NLGN4X: variants seen among roughly 807,000 people sequenced by gnomAD.
The protein encoded by NLGN4X is neuroligin-4, X-linked.
NLGN4X carries 3 observed loss-of-function variants against 40.3 expected under a neutral mutation model. The ratio of observed to expected loss-of-function variants is 0.07; its 90% CI spans 0.03 to 0.19. The LOEUF (loss-of-function observed/expected upper bound fraction) is 0.19. NLGN4X is among the 10% of genes least tolerant of loss of function. The probability of loss-of-function intolerance (pLI) is 1.00; values close to 1 mark genes in which losing one functional copy is unlikely to be tolerated. For synonymous variants in NLGN4X, 270 were observed against 306.8 expected, an observed-to-expected ratio of 0.88 and a Z score of 1.25; for missense variants, 382 against 708.3, an observed-to-expected ratio of 0.54 and a Z score of 5.23.
At chrX:6,085,191 C>A (rs1455372235) in intron 2 of NLGN4X, among the ~76,000 whole-genome samples, 1 of 109,994 alleles carries the variant, frequency 9.1e-6, no homozygotes. Flanking sequence ...TGGAAGGATA[C>A]TCAGTACTAG....
At chrX:5,997,448 A>C (rs1441996085) in intron 3 of NLGN4X, among the ~76,000 whole-genome samples, 2 of 106,933 alleles carry the variant, frequency 1.9e-5, no homozygotes, top group Non-Finnish European at 3.8e-5. Context: ...AAATTAAAAA[A>C]AAAACAATAG....
chrX:5,957,019 T>TGA (rs773646712), intron 3 of NLGN4X, among the ~76,000 whole-genome samples: 1 of 109,630 alleles, frequency 9.1e-6, no homozygotes, highest in African/African-American at 3.3e-5. Flanking sequence ...AGAAGCAAAC[T>TGA]GAGAGAGAGA....
intron 3 of NLGN4X, among the ~76,000 whole-genome samples, chrX:5,977,253 T>C (rs771475848): frequency 8.9e-6 from 1 of 112,015 alleles, no homozygotes; most frequent in Non-Finnish European, 1.9e-5. Flanking sequence ...TCTTGCTCTG[T>C]CGCCTAGGCT....
chrX:6,139,827 G>A (rs758445735), intron 2 of NLGN4X, among the ~76,000 whole-genome samples: 3 of 111,622 alleles, frequency 2.7e-5, no homozygotes, highest in Non-Finnish European at 5.6e-5. Context: ...TGTCTATGCT[G>A]ATTGCAAATA....
intron 2 of NLGN4X, among the ~76,000 whole-genome samples, chrX:6,094,249 T>C (rs1267281264): frequency 1.8e-5 from 2 of 110,984 alleles, no homozygotes; most frequent in Non-Finnish European, 3.8e-5. Context: ...CAAAAAGTAA[T>C]GAGTGAATCA....
intron 3 of NLGN4X, among the ~76,000 whole-genome samples, chrX:5,974,891 G>A (rs2035129355): frequency 8.9e-6 from 1 of 111,744 alleles, no homozygotes; most frequent in South Asian, 3.8e-4. Flanking sequence ...TGCACTTTGG[G>A]GCCATTGTTA....
chrX:5,909,019 T>A (rs2032345561), intron 4 of NLGN4X, 35 bp downstream of exon 4: 1 of 1,201,774 alleles, frequency 8.3e-7, no homozygotes, highest in African/African-American at 1.8e-5. Context: ...TGGTTCAGGG[T>A]ATTTGCCCGC....
chrX:6,162,235 T>C (rs2040415832), intron 1 of NLGN4X, among the ~76,000 whole-genome samples: 1 of 112,322 alleles, frequency 8.9e-6, no homozygotes, highest in East Asian at 2.8e-4. Flanking sequence ...TGGCTCTCAC[T>C]TTAACTCCAT....
At chrX:6,150,864 T>A (rs1430744240) in intron 2 of NLGN4X, 131 bp downstream of exon 2, 1 of 585,710 alleles carries the variant, frequency 1.7e-6, no homozygotes. Flanking sequence ...ATTTGGAATA[T>A]GAAAAATAAA....
At chrX:6,032,748 C>A in intron 2 of NLGN4X, 1 of 1,145,287 alleles carries the variant, frequency 8.7e-7, no homozygotes. Context: ...TTTGTGTTGG[C>A]TCCTGGGGTC....
chrX:6,141,054 T>C (rs888270172), intron 2 of NLGN4X, among the ~76,000 whole-genome samples: 4 of 111,742 alleles, frequency 3.6e-5, no homozygotes, highest in East Asian at 2.8e-4. Context: ...GACTGTGTGA[T>C]TTAGGTAGCT....
At chrX:5,931,363 C>G in intron 3 of NLGN4X, among the ~76,000 whole-genome samples, 1 of 112,032 alleles carries the variant, frequency 8.9e-6, no homozygotes, top group East Asian at 2.8e-4. Flanking sequence ...ATTTGGGATT[C>G]TTTTTAGAAA....
intron 3 of NLGN4X, among the ~76,000 whole-genome samples, chrX:6,008,851 C>T (rs763174766): frequency 2.9e-4 from 32 of 111,850 alleles, no homozygotes; most frequent in African/African-American, 9.4e-4. Flanking sequence ...CCATTCTCTC[C>T]GCCTCTCAGC....
chrX:5,900,304 A>G (rs1026212160), intron 5 of NLGN4X, among the ~76,000 whole-genome samples: 2 of 111,574 alleles, frequency 1.8e-5, no homozygotes, highest in Non-Finnish European at 3.8e-5. Flanking sequence ...CTCTTATATG[A>G]AGACGGCCAT....
chrX:6,122,683 T>A (rs1175683369), intron 2 of NLGN4X, among the ~76,000 whole-genome samples: 2 of 108,962 alleles, frequency 1.8e-5, no homozygotes, highest in Non-Finnish European at 3.8e-5. Context: ...ATTTAAAAAA[T>A]AATAATAATA....
At chrX:6,146,195 A>G (rs892443439) in intron 2 of NLGN4X, among the ~76,000 whole-genome samples, 2 of 111,852 alleles carry the variant, frequency 1.8e-5, no homozygotes, top group Non-Finnish European at 3.8e-5. Flanking sequence ...AGCTTCTGTT[A>G]CCACGCCACA....
chrX:6,046,601 A>G (rs2037324009), intron 2 of NLGN4X, among the ~76,000 whole-genome samples: 1 of 111,508 alleles, frequency 9.0e-6, no homozygotes, highest in Non-Finnish European at 1.9e-5. Flanking sequence ...ACCAATGTAT[A>G]TTTATTAATA....
In NLGN4X at chrX:6,179,753, T is replaced by C. The variant is rs746066982; in HGVS notation, c.-305-27982A>G. On this transcript the variant is annotated intron_variant, in intron 1 of 5. Transcript: ENST00000381095. ...CAGCAGCTGGAAAGAGACAGACTGG[T>C]CTTCTCTCAAAGGCAATTCCAAAGT... is the stretch of plus-strand genomic sequence containing the variant. Among the ~76,000 whole-genome samples, 107 of 111,781 alleles carry C rather than the reference T, an allele frequency of 9.6e-4. 2 individuals are homozygous for C. Among genetic ancestry groups the C allele is most frequent in the Admixed American group, 5.7e-4 (6 of 10,470 alleles).
At position 6,177,889 on chromosome X, in the gene NLGN4X, C is replaced by T. The variant is rs145000554; in HGVS notation, c.-305-26118G>A. Among the ~76,000 whole-genome samples the T allele has an allele frequency of 2.5e-3, 271 of 109,903 alleles. 2 individuals carry two copies. The highest frequency in any genetic ancestry group is 8.5e-3 in the African/African-American group (255 of 30,157). ...AGGTGATGAGGTCATGAGGTTGGAG[C>T]CTCATGAATGGGATTAGTGCCCTCA... is the stretch of plus-strand genomic sequence containing the variant. On this transcript the variant is annotated intron_variant, in intron 1 of 5. Transcript: ENST00000381095.
Sources: allele counts gnomAD v4.1 joint callset (sites outside exome capture counted in the v4.1 genomes callset), GRCh38; gene constraint gnomAD v4.1.1; transcripts MANE v1.5; gene names NCBI Gene and HGNC (gene_info 2026-07-23, HGNC 2026-07-21).